Variants in RNF38 observed in about 807,000 individuals in gnomAD.
RNF38 encodes the protein ring finger protein 38, also known as E3 ubiquitin-protein ligase RNF38.
RNF38 carries 15 observed loss-of-function variants against 67.2 expected under a neutral mutation model. That is an observed-to-expected ratio of 0.22 (90% CI 0.15 to 0.34). The LOEUF (loss-of-function observed/expected upper bound fraction) is 0.34. RNF38 is among the 10% of genes least tolerant of loss of function. RNF38 has a pLI of 1.00. For synonymous variants in RNF38, 220 were observed against 218.8 expected (o/e 1.01, Z -0.05); for missense variants, 524 against 639.9 (o/e 0.82, Z 1.95).
At chr9:36,404,197 T>C (rs1251155241), upstream of RNF38, among the ~76,000 whole-genome samples, 1 of 152,266 alleles carries the variant, frequency 6.6e-6, no homozygotes, top group African/African-American at 2.4e-5. Context: ...CATCATATAC[T>C]GAAAAAGACT....
chr9:36,383,555 A>G (rs771899244), intron 2 of RNF38, among the ~76,000 whole-genome samples: 10 of 152,124 alleles, frequency 6.6e-5, no homozygotes, highest in Non-Finnish European at 1.3e-4. Context: ...CTGCCCTTGA[A>G]CTACATAATG....
chr9:36,354,845 T>C (rs1833983542), intron 6 of RNF38, among the ~76,000 whole-genome samples: 1 of 152,238 alleles, frequency 6.6e-6, no homozygotes, highest in Non-Finnish European at 1.5e-5. Flanking sequence ...TATTCAAATA[T>C]AAGTAAATAC....
chr9:36,473,563 G>T (rs1390324097), intron 1 of RNF38, among the ~76,000 whole-genome samples: 1 of 151,868 alleles, frequency 6.6e-6, no homozygotes, highest in Non-Finnish European at 1.5e-5. Context: ...ACACCAGCTC[G>T]GGCAACAAGA....
At chr9:36,458,528 G>A (rs1218964016) in intron 1 of RNF38, among the ~76,000 whole-genome samples, 2 of 150,986 alleles carry the variant, frequency 1.3e-5, no homozygotes, top group Non-Finnish European at 3.0e-5. Flanking sequence ...AAGTCAGCGA[G>A]ACCACAAACC....
chr9:36,402,808 T>C (rs2134170532), upstream of RNF38, among the ~76,000 whole-genome samples: 1 of 152,314 alleles, frequency 6.6e-6, no homozygotes, highest in Non-Finnish European at 1.5e-5. Context: ...TCTTCAACAA[T>C]GCTGTCACAA....
intron 9 of RNF38, among the ~76,000 whole-genome samples, chr9:36,346,357 A>AT (rs1017038909): frequency 1.3e-5 from 2 of 151,706 alleles, no homozygotes; most frequent in Non-Finnish European, 2.9e-5. Context: ...AATTTTTTGT[A>AT]TTTTTTATTT....
At chr9:36,442,322 A>G (rs1262878156) in intron 1 of RNF38, among the ~76,000 whole-genome samples, 3 of 152,232 alleles carry the variant, frequency 2.0e-5, no homozygotes, top group African/African-American at 7.2e-5. Flanking sequence ...ATGAACTTTT[A>G]GCAATGACTA....
chr9:36,351,708 G>A (rs868865546), intron 8 of RNF38, among the ~76,000 whole-genome samples: 1 of 152,184 alleles, frequency 6.6e-6, no homozygotes, highest in African/African-American at 2.4e-5. Context: ...TGGCCTTCTG[G>A]TATAAAAACT....
At chr9:36,462,284 CTT>C (rs1017724080) in intron 1 of RNF38, among the ~76,000 whole-genome samples, 6 of 152,164 alleles carry the variant, frequency 3.9e-5, no homozygotes, top group African/African-American at 1.4e-4. Flanking sequence ...ACTTAGCAAA[CTT>C]CCCAACTATC....
intron 1 of RNF38, 65 bp downstream of exon 1, chr9:36,400,032 G>A (rs1027512031): frequency 3.5e-6 from 5 of 1,437,388 alleles, no homozygotes; most frequent in African/African-American, 2.8e-5. Context: ...GGTAGAATTA[G>A]CATACCCAAC....
Position 36,417,804 on chromosome 9 carries a change from C to G in RNF38, n.312+6809G>C, listed in dbSNP as rs1042796661. Among the ~76,000 whole-genome samples, 5 of 152,266 alleles carry G rather than the reference C, an allele frequency of 3.3e-5. No homozygotes were observed. The East Asian group carries it at 9.7e-4, about 30-fold the overall frequency. ...GGGATTACAAGCATGAGCCACCAAA[C>G]CCAGCCACTTCCACCACTTTTTAAA... On this transcript the variant is annotated intron_variant and non_coding_transcript_variant, in intron 2 of 3. Transcript: ENST00000488058.
chr9:36,469,481 G>A (rs1839945977), intron 1 of RNF38, among the ~76,000 whole-genome samples: 1 of 151,852 alleles, frequency 6.6e-6, no homozygotes, highest in Non-Finnish European at 1.5e-5. Context: ...CCAACATGGA[G>A]AAACCCCATC....
At chr9:36,446,810 GAAAAAAAAAAAAAAAAA>G (rs60691553) in intron 1 of RNF38, among the ~76,000 whole-genome samples, 1 of 28,198 alleles carries the variant, frequency 3.5e-5, no homozygotes, top group Non-Finnish European at 6.7e-5. Flanking sequence ...TCCGCCTCAA[GAAAAAAAAAAAAAAAAA>G]AAAAAAAAAA....
chr9:36,369,944 A>G lies in RNF38; in HGVS notation c.357-12T>C. On this transcript the variant is annotated splice_polypyrimidine_tract_variant and intron_variant, in intron 3 of 11. Transcript: ENST00000259605. ...GCCTGACAGGAGGACTGTGATAAAT[A>G]TCAAAAAGAAAGTCATTATGCTTAT... The G allele has an allele frequency of 6.2e-7, 1 of 1,605,742 alleles. No individual in the cohort carries two copies. The highest frequency in any genetic ancestry group is 1.1e-5 in the South Asian group (1 of 90,502).
intron 3 of RNF38, among the ~76,000 whole-genome samples, chr9:36,375,064 A>C (rs1260226989): frequency 6.6e-6 from 1 of 152,226 alleles, no homozygotes; most frequent in Non-Finnish European, 1.5e-5. Context: ...ACCTCTGGCA[A>C]CAAATAATGA....
rs562915995 is a variant in RNF38 at position 36,473,198 on chromosome 9, T to A, written n.241+14110A>T. Among the ~76,000 whole-genome samples, 12 of 151,342 alleles carry A rather than the reference T, an allele frequency of 7.9e-5. No individual in the cohort carries two copies. In the East Asian group the frequency reaches 2.3e-3, roughly 29 times the overall value. On this transcript the variant is annotated intron_variant and non_coding_transcript_variant, in intron 1 of 3. Transcript: ENST00000488058. ...ATCCAGTGCTGGGCACAGTTGGGGG[T>A]GCCTATAGTTCCAGCTACTCAGGAG... is the stretch of plus-strand genomic sequence containing the variant.
chr9:36,400,871 C>T, upstream of RNF38: 2 of 984,984 alleles, frequency 2.0e-6, no homozygotes, highest in Non-Finnish European at 1.2e-6. Context: ...CGCAACACCG[C>T]ACTAGGGGCC....
chr9:36,350,264 T>G (rs1483784995), intron 9 of RNF38, among the ~76,000 whole-genome samples: 1 of 152,236 alleles, frequency 6.6e-6, no homozygotes, highest in African/African-American at 2.4e-5. Flanking sequence ...TTGCCTTACC[T>G]ATTACAACAT....
intron 4 of RNF38, among the ~76,000 whole-genome samples, chr9:36,365,405 A>G (rs908715597): frequency 6.6e-6 from 1 of 151,724 alleles, no homozygotes; most frequent in Non-Finnish European, 1.5e-5. Context: ...CACCTCTACT[A>G]AAAATACAAA....
Sources: gnomAD v4.1 joint callset for allele counts (sites outside exome capture counted in the v4.1 genomes callset) on GRCh38, gnomAD v4.1.1 for gene constraint, MANE v1.5 for transcripts, NCBI Gene and HGNC (gene_info 2026-07-23, HGNC 2026-07-21) for gene names.